Variants in ADK observed in about 807,000 individuals in gnomAD.
ADK encodes adenosine kinase.
In ADK, 24 loss-of-function variants were observed where a neutral mutation model predicts 44.7. That is an observed-to-expected ratio of 0.54 (90% confidence interval 0.39 to 0.76). The LOEUF (loss-of-function observed/expected upper bound fraction) is 0.76, where lower values mean the gene tolerates loss of function less well. ADK is among the 30% of genes least tolerant of loss of function. The pLI is 0.00. For synonymous variants in ADK, 128 were observed against 142.6 expected (o/e 0.90, Z 0.73); for missense variants, 321 against 425.1 (o/e 0.76, Z 2.15).
chr10:74,678,092 GGTCACGCCACTGCACTACA>G (rs1264405776), intron 10 of ADK, among the ~76,000 whole-genome samples: 1 of 150,156 alleles, frequency 6.7e-6, no homozygotes, highest in East Asian at 1.9e-4. Context: ...AGTGAGCTGA[GGTCACGCCACTGCACTACA>G]GTCTGGGCAA....
intron 6 of ADK, among the ~76,000 whole-genome samples, chr10:74,470,091 C>CTCTGCAACCT: frequency 6.9e-6 from 1 of 145,936 alleles, no homozygotes; most frequent in Non-Finnish European, 1.5e-5. Context: ...ATGGCGCAAT[C>CTCTGCAACCT]TGAGCTCACT....
chr10:74,519,316 T>G (rs1053908909), intron 6 of ADK, among the ~76,000 whole-genome samples: 8 of 151,958 alleles, frequency 5.3e-5, no homozygotes, highest in Admixed American at 3.3e-4. Context: ...TACATTTAAA[T>G]TAATGAAAGT....
chr10:74,627,526 A>T (rs1267865310), intron 9 of ADK, among the ~76,000 whole-genome samples: 1 of 151,722 alleles, frequency 6.6e-6, no homozygotes, highest in Non-Finnish European at 1.5e-5. Context: ...ATCGATTTTT[A>T]ATTTAACATT....
chr10:74,354,887 A>G (rs532539738), intron 4 of ADK, among the ~76,000 whole-genome samples: 6 of 152,180 alleles, frequency 3.9e-5, no homozygotes, highest in African/African-American at 1.4e-4. Flanking sequence ...TCTCACTTCC[A>G]CTCACTGCTT....
At position 74,708,532 on chromosome 10, in the gene ADK, A is replaced by G; in HGVS notation, c.*87A>G. 2.0e-6 allele frequency: 3 copies of G among 1,474,190 alleles called. No homozygotes were observed. Among genetic ancestry groups the G allele is most frequent in the Non-Finnish European group, 2.8e-6 (3 of 1,085,862 alleles). The allele number at this position is 1,474,190 out of a possible 1,614,324, so 91.3% of individuals were successfully genotyped here. ...TCCCATATTAATAAAGAAGAAAATT[A>G]TCTGCCATTTTTTCCTACTATAATA... On this transcript the variant is annotated 3_prime_UTR_variant, in exon 11 of 11. Coordinates refer to ENST00000539909, the MANE Select transcript of ADK (RefSeq NM_006721.4).
chr10:74,227,381 G>C (rs1844580956), intron 3 of ADK, among the ~76,000 whole-genome samples: 1 of 152,138 alleles, frequency 6.6e-6, no homozygotes, highest in Admixed American at 6.5e-5. Flanking sequence ...ACCAATAAGA[G>C]AGTACAGTGA....
intron 9 of ADK, among the ~76,000 whole-genome samples, chr10:74,621,841 A>G (rs1853005042): frequency 6.6e-6 from 1 of 152,156 alleles, no homozygotes; most frequent in South Asian, 2.1e-4. Context: ...AGGTTGGGTT[A>G]TAGTTTTTGT....
At chr10:74,386,897 A>G (rs1843160899) in intron 4 of ADK, among the ~76,000 whole-genome samples, 1 of 151,682 alleles carries the variant, frequency 6.6e-6, no homozygotes, top group Non-Finnish European at 1.5e-5. Context: ...AAACACAGTG[A>G]CGTCTATCAG....
At chr10:74,612,599 G>A (rs1456152836) in intron 9 of ADK, among the ~76,000 whole-genome samples, 2 of 152,042 alleles carry the variant, frequency 1.3e-5, no homozygotes, top group African/African-American at 4.8e-5. Flanking sequence ...TTATTTTGTT[G>A]ATAGTTACTT....
intron 4 of ADK, among the ~76,000 whole-genome samples, chr10:74,387,900 C>CT (rs897615135): frequency 3.3e-5 from 5 of 151,642 alleles, no homozygotes; most frequent in Non-Finnish European, 7.4e-5. Flanking sequence ...CTTTTTATTT[C>CT]TTTTTTTTCT....
chr10:74,163,811 CTT>C (rs777385866), intron 1 of ADK, among the ~76,000 whole-genome samples: 2 of 152,220 alleles, frequency 1.3e-5, no homozygotes, highest in African/African-American at 4.8e-5. Flanking sequence ...AAACAGTTCT[CTT>C]GTTTGTCTTT....
chr10:74,466,143 T>TA (rs1846350397), intron 6 of ADK, among the ~76,000 whole-genome samples: 3 of 152,184 alleles, frequency 2.0e-5, no homozygotes, highest in African/African-American at 7.2e-5. Flanking sequence ...TGTTGCATGT[T>TA]ATGTCATGGA....
At chr10:74,498,354 A>G (rs1486928284) in intron 6 of ADK, among the ~76,000 whole-genome samples, 2 of 152,212 alleles carry the variant, frequency 1.3e-5, no homozygotes, top group Admixed American at 1.3e-4. Context: ...CTGTAGTAGA[A>G]TGGGCATGTG....
chr10:74,593,015 A>T (rs1851774722), intron 8 of ADK, among the ~76,000 whole-genome samples: 1 of 152,232 alleles, frequency 6.6e-6, no homozygotes, highest in Non-Finnish European at 1.5e-5. Flanking sequence ...ATTGATCAGC[A>T]TGGATAGAAA....
chr10:74,432,900 ATATTTAGG>A (rs1343954468), intron 6 of ADK, among the ~76,000 whole-genome samples: 1 of 152,206 alleles, frequency 6.6e-6, no homozygotes, highest in Non-Finnish European at 1.5e-5. Flanking sequence ...TGATGTCTAA[ATATTTAGG>A]TATTTGTCTA....
chr10:74,442,543 A>C (rs1250755698), intron 6 of ADK, among the ~76,000 whole-genome samples: 5 of 152,128 alleles, frequency 3.3e-5, no homozygotes, highest in Non-Finnish European at 7.4e-5. Context: ...CTACTTGGGA[A>C]GCTGCGGCAG....
intron 3 of ADK, among the ~76,000 whole-genome samples, chr10:74,246,747 T>G (rs1845429957): frequency 6.6e-6 from 1 of 152,186 alleles, no homozygotes; most frequent in Non-Finnish European, 1.5e-5. Flanking sequence ...TGATTTTTAG[T>G]CTGGTCTTCT....
At chr10:74,368,694 AT>A (rs1480398950) in intron 4 of ADK, among the ~76,000 whole-genome samples, 1 of 150,718 alleles carries the variant, frequency 6.6e-6, no homozygotes, top group Non-Finnish European at 1.5e-5. Context: ...CCGTGGCCCC[AT>A]TTCAGATCAC....
intron 3 of ADK, among the ~76,000 whole-genome samples, chr10:74,232,352 C>T (rs940404388): frequency 1.3e-5 from 2 of 151,918 alleles, no homozygotes; most frequent in Non-Finnish European, 2.9e-5. Context: ...AACCCTGTCT[C>T]TACTAAAAGT....
Sources: gnomAD v4.1 joint callset for allele counts (sites outside exome capture counted in the v4.1 genomes callset) on GRCh38, gnomAD v4.1.1 for gene constraint, MANE v1.5 for transcripts, NCBI Gene and HGNC (gene_info 2026-07-23, HGNC 2026-07-21) for gene names.